ZER1: variants seen among roughly 807,000 people sequenced by gnomAD.
ZER1 encodes the protein protein zer-1 homolog.
Under a neutral mutation model 78.8 loss-of-function variants are expected in ZER1, and 11 were observed. That is an observed-to-expected ratio of 0.14 (90% CI 0.09 to 0.23). The LOEUF (loss-of-function observed/expected upper bound fraction) is 0.23, where lower values mean the gene tolerates loss of function less well. ZER1 is among the 10% of genes least tolerant of loss of function. The pLI is 1.00. For synonymous variants in ZER1, 400 were observed against 407.0 expected, an observed-to-expected ratio of 0.98 and a Z score of 0.21; for missense variants, 588 against 996.9, an observed-to-expected ratio of 0.59 and a Z score of 5.52.
At chr9:128,744,146 C>T (rs1241941326) in intron 8 of ZER1, among the ~76,000 whole-genome samples, 4 of 152,056 alleles carry the variant, frequency 2.6e-5, no homozygotes, top group African/African-American at 7.2e-5. Context: ...ATCCACCCAC[C>T]TCGGCCTCCC....
chr9:128,770,581 C>A (rs976706393), intron 1 of ZER1, among the ~76,000 whole-genome samples: 1 of 152,170 alleles, frequency 6.6e-6, no homozygotes, highest in Non-Finnish European at 1.5e-5. Context: ...AAAATGACAA[C>A]TCCCAACTCC....
chr9:128,771,155 C>T (rs1439974315), intron 1 of ZER1, among the ~76,000 whole-genome samples: 1 of 152,210 alleles, frequency 6.6e-6, no homozygotes, highest in Non-Finnish European at 1.5e-5. Context: ...ACTATCAACT[C>T]ACCTGTCGGG....
chr9:128,757,844 C>T lies in ZER1; in HGVS notation c.-94-2185G>A, dbSNP rs117756281. Among the ~76,000 whole-genome samples the T allele has an allele frequency of 7.2e-3, 1,091 of 152,180 alleles. 16 individuals are homozygous for T. Among genetic ancestry groups the T allele is most frequent in the African/African-American group, 0.02 (846 of 41,520 alleles). On this transcript the variant is annotated intron_variant, in intron 1 of 15. Coordinates refer to ENST00000291900, the MANE Select transcript of ZER1 (RefSeq NM_006336.4). ...CTATTCACTATTTACTAAAGCTGAA[C>T]GTACATACGTTCAACACTTAGCAAC...
chr9:128,747,870 C>T (rs1310512774), intron 8 of ZER1, among the ~76,000 whole-genome samples: 4 of 152,288 alleles, frequency 2.6e-5, no homozygotes, highest in Non-Finnish European at 4.4e-5. Context: ...CTGCCTTCCT[C>T]GGCCCTCCAA....
chr9:128,751,324 G>A lies in ZER1; in HGVS notation c.1039-56C>T. ...GCAGAGGCCAAGGGCTGGGATGCCA[G>A]ATCCCAGCTCAGTCTCCAGCCCCAG... is the stretch of plus-strand genomic sequence containing the variant. On this transcript the variant is annotated intron_variant, in intron 6 of 15. Transcript: ENST00000291900. The surrounding 1 kb of genome is among the most constrained non-coding windows in gnomAD (Gnocchi z 5.4). 2 of 1,605,660 alleles carry A rather than the reference G, an allele frequency of 1.2e-6. No individual in the cohort carries two copies. The highest frequency in any genetic ancestry group is 1.7e-6 in the Non-Finnish European group (2 of 1,173,638).
rs1198149809 is a variant in ZER1, at chr9:128,741,531, C to CT, written c.1737+3dup. 17 of 1,614,082 alleles carry CT rather than the reference C, an allele frequency of 1.1e-5. No individual in the cohort carries two copies. Among genetic ancestry groups the CT allele is most frequent in the Non-Finnish European group, 1.4e-5 (16 of 1,179,948 alleles). On this transcript the variant is annotated splice_donor_region_variant and intron_variant, in intron 11 of 15. Coordinates refer to ENST00000291900, the MANE Select transcript of ZER1 (RefSeq NM_006336.4). ...CAGCTGCTGCTGCAGGAGGTGGACACTACCTTCAGGCAGTCCAGGAAGAGC... is the reference window on the plus strand; with the variant it reads ...CAGCTGCTGCTGCAGGAGGTGGACACTTACCTTCAGGCAGTCCAGGAAGAGC...
intron 15 of ZER1, 100 bp from the exon 16 acceptor site, chr9:128,731,494 A>C: frequency 1.0e-6 from 1 of 956,180 alleles, no homozygotes; most frequent in Non-Finnish European, 1.6e-6. Context: ...ACGTGTTCAT[A>C]GTGATGGTGA....
rs1589515308 is a variant in ZER1, at chr9:128,735,204, G to A, written c.2140+130C>T. ...GGTGTCCCACAAACGCTGGAAAGTGGAGGGTTCTGCTCTGAGGCACAAAAG... is the reference window on the plus strand; with the variant it reads ...GGTGTCCCACAAACGCTGGAAAGTGAAGGGTTCTGCTCTGAGGCACAAAAG... On this transcript the variant is annotated intron_variant, in intron 14 of 15. Transcript: ENST00000291900. The A allele has an allele frequency of 4.9e-5, 39 of 802,088 alleles. No individual in the cohort carries two copies. In the East Asian group the frequency reaches 1.1e-3, roughly 22 times the overall value. The allele number at this position is 802,088 out of a possible 1,614,324, so 49.7% of individuals were successfully genotyped here.
intron 15 of ZER1, among the ~76,000 whole-genome samples, chr9:128,731,940 G>A (rs549418841): frequency 3.3e-5 from 5 of 152,250 alleles, no homozygotes; most frequent in South Asian, 2.1e-4. Context: ...AGTCTCGCCC[G>A]CCCCAGCCTG....
At position 128,754,560 on chromosome 9, in the gene ZER1, G is replaced by A. The variant is rs571663935; in HGVS notation, c.159-601C>T. ...TGGATATAACTATGGCCTGCAAAGT[G>A]TCCAACCTAAAGCCTGACCCACGGT... is the stretch of plus-strand genomic sequence containing the variant. On this transcript the variant is annotated intron_variant, in intron 2 of 15. Transcript: ENST00000291900. This position sits in a 1 kb window ranked among gnomAD's most constrained non-coding sequence, Gnocchi z 4.3. Among the ~76,000 whole-genome samples, 3 of 152,244 alleles carry A rather than the reference G, an allele frequency of 2.0e-5. No individual in the cohort carries two copies. The highest frequency in any genetic ancestry group is 2.1e-4 in the South Asian group (1 of 4,824).
At position 128,750,801 on chromosome 9, in the gene ZER1, C is replaced by A. The variant is rs759382650; in HGVS notation, c.1186-12G>T. Reference sequence around the variant, plus strand: ...GCCGTGATGACCAGCTGTATGAAGACAAGGGGGACCTGGGCTGGCAAGTGC... The same window carrying A: ...GCCGTGATGACCAGCTGTATGAAGAAAAGGGGGACCTGGGCTGGCAAGTGC... On this transcript the variant is annotated splice_polypyrimidine_tract_variant and intron_variant, in intron 7 of 15. Transcript: ENST00000291900. 3 of 1,613,962 alleles carry A rather than the reference C, an allele frequency of 1.9e-6. No homozygotes were observed. Among genetic ancestry groups the A allele is most frequent in the Non-Finnish European group, 2.5e-6 (3 of 1,179,862 alleles).
At chr9:128,761,475 C>T (rs995864258) in intron 1 of ZER1, among the ~76,000 whole-genome samples, 3 of 151,554 alleles carry the variant, frequency 2.0e-5, no homozygotes, top group Admixed American at 1.3e-4. Context: ...TTAGTAGAGA[C>T]GGGGTTTTGC....
At chr9:128,759,714 G>A (rs1863981882) in intron 1 of ZER1, among the ~76,000 whole-genome samples, 1 of 151,958 alleles carries the variant, frequency 6.6e-6, no homozygotes, top group South Asian at 2.1e-4. Context: ...AGAATGGCGT[G>A]AACCCAGGAG....
chr9:128,741,793 GA>G lies in ZER1; in HGVS notation c.1617+6del. 6.2e-7 allele frequency: 1 copy of G among 1,614,196 alleles called. No individual in the cohort carries two copies. Among genetic ancestry groups the G allele is most frequent in the Non-Finnish European group, 8.5e-7 (1 of 1,180,038 alleles). Reference sequence around the variant, plus strand: ...GGGTAGCGTGGCTTCGTGAAGACTTGACTTACTGTCTTGTCCAGCAGCTTCT... The same window carrying G: ...GGGTAGCGTGGCTTCGTGAAGACTTGCTTACTGTCTTGTCCAGCAGCTTCT... On this transcript the variant is annotated splice_donor_region_variant and intron_variant, in intron 10 of 15. Transcript: ENST00000291900.
chr9:128,742,857 G>T, intron 8 of ZER1, 112 bp from the exon 9 acceptor site: 1 of 1,135,462 alleles, frequency 8.8e-7, no homozygotes, highest in Non-Finnish European at 1.2e-6. Flanking sequence ...GTCCAGCCCG[G>T]TTTTCTGGAA....
chr9:128,758,337 G>C (rs1863929362), intron 1 of ZER1, among the ~76,000 whole-genome samples: 1 of 152,048 alleles, frequency 6.6e-6, no homozygotes, highest in Admixed American at 6.6e-5. Context: ...TGTTGGCCAG[G>C]CTGGTCTCGA....
intron 1 of ZER1, among the ~76,000 whole-genome samples, chr9:128,768,786 G>A (rs1253270021): frequency 4.6e-5 from 7 of 152,018 alleles, no homozygotes; most frequent in South Asian, 2.1e-4. Flanking sequence ...GGGCACTTCC[G>A]GATCACCAGC....
intron 8 of ZER1, among the ~76,000 whole-genome samples, chr9:128,743,099 A>G (rs953827705): frequency 6.6e-6 from 1 of 151,482 alleles, no homozygotes; most frequent in South Asian, 2.1e-4. Flanking sequence ...AACCACTACA[A>G]TATCTCTGCT....
intron 13 of ZER1, among the ~76,000 whole-genome samples, chr9:128,736,669 G>A (rs1329571211): frequency 2.1e-5 from 3 of 146,332 alleles, no homozygotes; most frequent in Admixed American, 2.0e-4. Context: ...CACCATGCCT[G>A]GCCTTTTTTT....
Sources: gnomAD v4.1 joint callset for allele counts (sites outside exome capture counted in the v4.1 genomes callset) on GRCh38, gnomAD v4.1.1 for gene constraint, Gnocchi (gnomAD v3.1) non-coding constraint, MANE v1.5 for transcripts, NCBI Gene and HGNC (gene_info 2026-07-23, HGNC 2026-07-21) for gene names.